The following GRIP1 variants were observed in gnomAD, a reference collection of about 807,000 sequenced individuals.
GRIP1 encodes the protein glutamate receptor-interacting protein 1.
Under a neutral mutation model 129.9 loss-of-function variants are expected in GRIP1, and 45 were observed. The observed-to-expected ratio is 0.35, with a 90% CI of 0.27 to 0.44. GRIP1 has a LOEUF of 0.44. Among genes scored for constraint, GRIP1 ranks in the 20% least tolerant of loss-of-function variants. The pLI, the probability that GRIP1 is intolerant of heterozygous loss-of-function variation, is 1.00. For synonymous variants in GRIP1, 530 were observed against 520.8 expected (o/e 1.02, Z -0.24); for missense variants, 1,196 against 1,396.8 (o/e 0.86, Z 2.29).
At chr12:66,966,964 T>C (rs1297444553) in intron 1 of GRIP1, among the ~76,000 whole-genome samples, 1 of 152,194 alleles carries the variant, frequency 6.6e-6, no homozygotes, top group African/African-American at 2.4e-5. Context: ...CATCAATTGT[T>C]TGGAATTCTG....
chr12:66,475,897 C>A (rs1592390912), intron 7 of GRIP1, among the ~76,000 whole-genome samples: 1 of 151,852 alleles, frequency 6.6e-6, no homozygotes, highest in Non-Finnish European at 1.5e-5. Context: ...AAATTGATAC[C>A]CTAAATGTGA....
chr12:66,791,761 T>C, intron 1 of GRIP1, among the ~76,000 whole-genome samples: 1 of 152,162 alleles, frequency 6.6e-6, no homozygotes, highest in East Asian at 1.9e-4. Context: ...GGTGCTGAGA[T>C]TTTAATGCAC....
At chr12:66,396,806 A>C (rs1207297340) in intron 16 of GRIP1, among the ~76,000 whole-genome samples, 1 of 152,170 alleles carries the variant, frequency 6.6e-6, no homozygotes, top group Non-Finnish European at 1.5e-5. Context: ...AATTGCCAGA[A>C]ACACAAAAGA....
chr12:66,862,335 A>G (rs1198358837), intron 1 of GRIP1, among the ~76,000 whole-genome samples: 1 of 152,108 alleles, frequency 6.6e-6, no homozygotes, highest in East Asian at 1.9e-4. Flanking sequence ...AATGGTGATG[A>G]AAAAAGAACC....
intron 1 of GRIP1, among the ~76,000 whole-genome samples, chr12:66,953,558 C>A (rs1046227295): frequency 1.3e-5 from 2 of 152,098 alleles, no homozygotes; most frequent in Non-Finnish European, 2.9e-5. Flanking sequence ...CTTGAGACAT[C>A]TGGAAAATAT....
chr12:66,841,700 C>A (rs2039720012), intron 1 of GRIP1, among the ~76,000 whole-genome samples: 1 of 152,102 alleles, frequency 6.6e-6, no homozygotes, highest in African/African-American at 2.4e-5. Context: ...ATAAAGGTGG[C>A]CACAGTTAGC....
rs530213710 is a variant in GRIP1, at chr12:66,719,107, G to A, written c.-420+84946C>T. ...GGGACTGTCCTGGATGGGGTGTATG[G>A]TTACCATATAGAGGCAAAAAACAAT... is the stretch of plus-strand genomic sequence containing the variant. On this transcript the variant is annotated intron_variant, in intron 1 of 4. Coordinates refer to the GRIP1 transcript ENST00000538373. Among the ~76,000 whole-genome samples, 3 of 152,156 alleles carry A rather than the reference G, an allele frequency of 2.0e-5. No individual in the cohort carries two copies. The South Asian group carries it at 6.2e-4, about 32-fold the overall frequency.
intron 1 of GRIP1, among the ~76,000 whole-genome samples, chr12:66,917,516 G>T (rs911269158): frequency 1.3e-5 from 2 of 152,174 alleles, no homozygotes; most frequent in Non-Finnish European, 2.9e-5. Context: ...GTTTAAAACT[G>T]TGTATTTTTC....
chr12:66,485,836 C>T (rs2138615855), intron 7 of GRIP1, among the ~76,000 whole-genome samples: 1 of 152,110 alleles, frequency 6.6e-6, no homozygotes, highest in East Asian at 1.9e-4. Context: ...ATTACAATGT[C>T]ACCTGTGTCA....
At chr12:66,639,986 A>G (rs1393400794) in intron 1 of GRIP1, among the ~76,000 whole-genome samples, 2 of 152,094 alleles carry the variant, frequency 1.3e-5, no homozygotes, top group Non-Finnish European at 2.9e-5. Context: ...CTTTCCACAT[A>G]CCCACACCTC....
chr12:66,876,275 C>A (rs1003426659), intron 1 of GRIP1, among the ~76,000 whole-genome samples: 14 of 151,960 alleles, frequency 9.2e-5, no homozygotes, highest in African/African-American at 3.4e-4. Flanking sequence ...TCATGGTTGT[C>A]ATGATTATTG....
At chr12:66,387,731 T>C (rs2056414901) in intron 19 of GRIP1, among the ~76,000 whole-genome samples, 1 of 151,938 alleles carries the variant, frequency 6.6e-6, no homozygotes, top group South Asian at 2.1e-4. Context: ...TCTAGAGAAA[T>C]TGGGCAAGGC....
At chr12:66,836,721 G>A (rs925718524) in intron 1 of GRIP1, among the ~76,000 whole-genome samples, 1 of 152,196 alleles carries the variant, frequency 6.6e-6, no homozygotes, top group African/African-American at 2.4e-5. Flanking sequence ...GCCAGCAGCA[G>A]TACTTGGTGT....
chr12:66,445,301 C>T (rs373924802), intron 12 of GRIP1, 21 bp downstream of exon 12: 1 of 1,600,704 alleles, frequency 6.2e-7, no homozygotes, highest in Non-Finnish European at 8.6e-7. Context: ...GAAAATGATG[C>T]TGTGAAAGAA....
chr12:66,428,308 T>A (rs1191952310), intron 14 of GRIP1, among the ~76,000 whole-genome samples: 1 of 152,212 alleles, frequency 6.6e-6, no homozygotes, highest in African/African-American at 2.4e-5. Flanking sequence ...AGCTTTTTAC[T>A]GCAAAGTTGG....
At chr12:66,974,873 A>G (rs1166717924) in intron 1 of GRIP1, among the ~76,000 whole-genome samples, 1 of 152,180 alleles carries the variant, frequency 6.6e-6, no homozygotes, top group Non-Finnish European at 1.5e-5. Flanking sequence ...AATGTGTTCA[A>G]TGGCTCTGCT....
At chr12:66,365,054 A>G (rs1592698160) in intron 23 of GRIP1, among the ~76,000 whole-genome samples, 1 of 152,142 alleles carries the variant, frequency 6.6e-6, no homozygotes, top group Admixed American at 6.5e-5. Flanking sequence ...AGATTCTACA[A>G]TGTATACATG....
chr12:66,795,671 T>C (rs2136883972), intron 1 of GRIP1, among the ~76,000 whole-genome samples: 1 of 152,300 alleles, frequency 6.6e-6, no homozygotes, highest in East Asian at 1.9e-4. Context: ...CTATTGATAG[T>C]AACATAATCT....
At chr12:66,816,683 A>G (rs969715663) in intron 1 of GRIP1, among the ~76,000 whole-genome samples, 5 of 152,206 alleles carry the variant, frequency 3.3e-5, no homozygotes, top group Non-Finnish European at 7.3e-5. Flanking sequence ...AAAACCTTAA[A>G]GAAGTATTAG....
Sources: allele counts gnomAD v4.1 joint callset (sites outside exome capture counted in the v4.1 genomes callset), GRCh38; gene constraint gnomAD v4.1.1; transcripts MANE v1.5; gene names NCBI Gene and HGNC (gene_info 2026-07-23, HGNC 2026-07-21).